The following CD109 variants were observed in gnomAD, a reference collection of about 807,000 sequenced individuals.
CD109 encodes CD109 molecule.
In CD109, 149 loss-of-function variants were observed where a neutral mutation model predicts 165.8. The ratio of observed to expected loss-of-function variants is 0.90; its 90% CI spans 0.79 to 1.03. CD109 has a LOEUF of 1.03. CD109 is among the 50% of genes least tolerant of loss of function. The probability of loss-of-function intolerance (pLI) is 0.00; values close to 1 mark genes in which losing one functional copy is unlikely to be tolerated. For synonymous variants in CD109, 585 were observed against 592.1 expected (o/e 0.99, Z 0.18); for missense variants, 1,712 against 1,677.8 (o/e 1.02, Z -0.36).
At chr6:73,804,497 T>A (rs1775496071) in intron 24 of CD109, among the ~76,000 whole-genome samples, 1 of 152,166 alleles carries the variant, frequency 6.6e-6, no homozygotes, top group Admixed American at 6.6e-5. Flanking sequence ...CCTGTCTTTG[T>A]CTTTTTCTTT....
chr6:73,785,455 A>G lies in CD109; in HGVS notation c.2315A>G (p.Asn772Ser), dbSNP rs200872446. Reference protein sequence around the residue: ...EEFALEITIFNYLKDATEVKV... With the variant: ...EEFALEITIFSYLKDATEVKV... ...TTTGCTTTGGAAATAACTATATTCA[A>G]TTATTTGAAAGATGCCACTGAGGTA... Residue 772 changes from asparagine to serine, a missense_variant, in exon 20 of 33, where the codon AAT (asparagine) becomes AGT (serine). Physicochemically the swap from Asn to Ser is conservative, Grantham distance 46. Transcript: ENST00000287097. 5 of 1,579,344 alleles carry G rather than the reference A, an allele frequency of 3.2e-6. No individual in the cohort carries two copies. In the African/African-American group the frequency reaches 5.4e-5, roughly 17 times the overall value.
At chr6:73,700,841 A>C (rs530042917) in intron 2 of CD109, among the ~76,000 whole-genome samples, 1 of 110,922 alleles carries the variant, frequency 9.0e-6, no homozygotes, top group East Asian at 2.7e-4. Context: ...TCACTCTGTC[A>C]CCCAGGCTGG....
At chr6:73,781,768 CACAG>C (rs1449606844) in intron 17 of CD109, among the ~76,000 whole-genome samples, 64 of 147,180 alleles carry the variant, frequency 4.3e-4, no homozygotes, top group Middle Eastern at 6.9e-3. Flanking sequence ...CACACACACA[CACAG>C]ACACAGACAC....
chr6:73,769,244 T>C (rs1294172228), intron 14 of CD109, among the ~76,000 whole-genome samples: 1 of 152,174 alleles, frequency 6.6e-6, no homozygotes, highest in Non-Finnish European at 1.5e-5. Context: ...TAAAATATAA[T>C]ACAAACTTCT....
intron 10 of CD109, among the ~76,000 whole-genome samples, chr6:73,764,683 G>A (rs149970649): frequency 6.0e-4 from 91 of 152,260 alleles, no homozygotes; most frequent in African/African-American, 2.1e-3. Flanking sequence ...GGGCGTGGTG[G>A]CACATGCCTG....
chr6:73,795,006 T>C (rs17760906), intron 23 of CD109, among the ~76,000 whole-genome samples: 56,818 of 149,636 alleles, frequency 0.38, 11,147 homozygotes, highest in African/African-American at 0.46. Context: ...ACAAATGAGA[T>C]CTTTACACAT....
Position 73,826,813 on chromosome 6 carries a change from A to G in CD109, c.*3180A>G, listed in dbSNP as rs1375406276. 1.3e-5 allele frequency: 2 copies of G among 151,762 alleles called. No individual in the cohort carries two copies. Among genetic ancestry groups the G allele is most frequent in the African/African-American group, 4.8e-5 (2 of 41,334 alleles). The allele number at this position is 151,762 out of a possible 1,614,324, so 9.4% of individuals were successfully genotyped here. A position where few individuals can be genotyped will look rare whatever the true frequency, so the allele number is the denominator to read the frequency against. On this transcript the variant is annotated 3_prime_UTR_variant, in exon 33 of 33. Transcript: ENST00000287097. ...GGAAATATTCAGAATTGTAGATAGC[A>G]TAACTCTCCCTGCTCCTATTCTTTT... is the stretch of plus-strand genomic sequence containing the variant.
At chr6:73,823,349 T>C in intron 32 of CD109, 109 bp from the exon 33 acceptor site, 1 of 811,308 alleles carries the variant, frequency 1.2e-6, no homozygotes, top group Non-Finnish European at 1.9e-6. Context: ...TAAAATTAGG[T>C]TAAGAATGGA....
intron 24 of CD109, 62 bp from the exon 25 acceptor site, chr6:73,806,782 C>T (rs549868042): frequency 3.0e-5 from 35 of 1,150,008 alleles, no homozygotes; most frequent in East Asian, 1.7e-4. Context: ...TTTGCTTGCT[C>T]GGTGTTATTT....
At chr6:73,754,711 G>A (rs1182820032) in intron 5 of CD109, among the ~76,000 whole-genome samples, 1 of 152,160 alleles carries the variant, frequency 6.6e-6, no homozygotes, top group Non-Finnish European at 1.5e-5. Context: ...GGCACCCTAA[G>A]GGATAAACTA....
intron 25 of CD109, among the ~76,000 whole-genome samples, chr6:73,807,849 C>T (rs576376298): frequency 1.3e-5 from 2 of 152,196 alleles, no homozygotes; most frequent in East Asian, 1.9e-4. Flanking sequence ...CTTTTTTCTT[C>T]TAGGGAATGA....
At chr6:73,771,696 G>A (rs1469738009) in intron 15 of CD109, 115 bp downstream of exon 15, 1 of 613,834 alleles carries the variant, frequency 1.6e-6, no homozygotes, top group Non-Finnish European at 2.5e-6. Flanking sequence ...GCATGTGTAA[G>A]TCAATAATTA....
intron 2 of CD109, among the ~76,000 whole-genome samples, chr6:73,713,486 C>G (rs1301393171): frequency 6.6e-6 from 1 of 152,050 alleles, no homozygotes; most frequent in East Asian, 1.9e-4. Flanking sequence ...CTCCTTGCCT[C>G]AAGGGATCCT....
At chr6:73,761,768 G>T (rs1163504342) in intron 7 of CD109, among the ~76,000 whole-genome samples, 1 of 151,928 alleles carries the variant, frequency 6.6e-6, no homozygotes. Context: ...TGATCCACCA[G>T]CCTCGGCCTC....
intron 3 of CD109, among the ~76,000 whole-genome samples, chr6:73,727,564 G>A (rs907524445): frequency 1.3e-5 from 2 of 152,192 alleles, no homozygotes; most frequent in East Asian, 1.9e-4. Context: ...GATAGAGTAG[G>A]AGGTAGAATA....
intron 20 of CD109, among the ~76,000 whole-genome samples, chr6:73,785,680 C>G (rs1774661512): frequency 6.6e-6 from 1 of 152,064 alleles, no homozygotes; most frequent in Admixed American, 6.6e-5. Context: ...CTACACATTA[C>G]CTCCTTGAAT....
intron 23 of CD109, among the ~76,000 whole-genome samples, chr6:73,793,094 A>G (rs1199115381): frequency 2.0e-5 from 3 of 152,220 alleles, no homozygotes; most frequent in Non-Finnish European, 4.4e-5. Context: ...ACTCTTTAAA[A>G]ATCTAGAGGA....
In CD109 at chr6:73,766,085, T is replaced by C. The variant is rs1294488046; in HGVS notation, c.1263T>C (p.Thr421=). ...AAGCTGTTCAGAAAATAAATTATAC[T>C]GTCCCCCAAAGTGGAACTTTTAAGA... ...KMEAVQKINY[T]VPQSGTFKIE... The change falls in exon 11 of 33, where the codon ACT becomes ACC. Residue 421 remains threonine (T), a synonymous_variant. Transcript: ENST00000287097. The C allele has an allele frequency of 6.2e-7, 1 of 1,614,126 alleles. No individual in the cohort carries two copies. Among genetic ancestry groups the C allele is most frequent in the Non-Finnish European group, 8.5e-7 (1 of 1,179,978 alleles).
In CD109 at chr6:73,791,162, T is replaced by TACACATACAC. The variant is rs1774931410; in HGVS notation, c.2702-1463_2702-1462insCACATACACA. 3.9e-4 allele frequency among the ~76,000 whole-genome samples: 14 copies of TACACATACAC among 36,308 alleles called. 1 individual carries two copies. Among genetic ancestry groups the TACACATACAC allele is most frequent in the African/African-American group, 1.1e-3 (11 of 9,926 alleles). 23.8% of individuals were successfully genotyped at this position (36,308 alleles called of 152,430 possible). ...ATATATATATATATATATATATATA[T>TACACATACAC]ATATATATATATATACACACACACA... On this transcript the variant is annotated intron_variant, in intron 22 of 32. Coordinates refer to ENST00000287097, the MANE Select transcript of CD109 (RefSeq NM_133493.5).
Sources: gnomAD v4.1 joint callset for allele counts (sites outside exome capture counted in the v4.1 genomes callset) on GRCh38, gnomAD v4.1.1 for gene constraint, MANE v1.5 for transcripts, NCBI Gene and HGNC (gene_info 2026-07-23, HGNC 2026-07-21) for gene names.